The following TBL1XR1 variants were observed in gnomAD, a reference collection of about 807,000 sequenced individuals.
TBL1XR1 encodes the protein F-box-like/WD repeat-containing protein TBL1XR1.
TBL1XR1 carries 5 observed loss-of-function variants against 66.9 expected under a neutral mutation model. The observed-to-expected ratio is 0.07, with a 90% confidence interval of 0.04 to 0.16. The LOEUF (loss-of-function observed/expected upper bound fraction) is 0.16, where lower values mean the gene tolerates loss of function less well. Ranked by LOEUF, TBL1XR1 falls within the 10% of genes least tolerant of loss-of-function variation. TBL1XR1 has a pLI of 1.00. For missense variants in TBL1XR1, 238 were observed against 623.2 expected, an observed-to-expected ratio of 0.38 and a Z score of 6.58; for synonymous variants, 210 against 206.0, an observed-to-expected ratio of 1.02 and a Z score of -0.17.
intron 1 of TBL1XR1, among the ~76,000 whole-genome samples, chr3:177,126,890 A>G (rs1221586408): frequency 1.3e-5 from 2 of 152,066 alleles, no homozygotes; most frequent in Admixed American, 6.6e-5. Context: ...GTGACTGTAC[A>G]TAATGTACGG....
intron 1 of TBL1XR1, among the ~76,000 whole-genome samples, chr3:177,139,780 T>C (rs756703496): frequency 6.6e-6 from 1 of 152,062 alleles, no homozygotes; most frequent in Non-Finnish European, 1.5e-5. Flanking sequence ...CAAGTTAAAC[T>C]TTCCAAGAGC....
chr3:177,081,328 A>G (rs565070173), intron 2 of TBL1XR1, among the ~76,000 whole-genome samples: 32 of 152,366 alleles, frequency 2.1e-4, no homozygotes, highest in African/African-American at 1.7e-4. Context: ...ATGATGGCAA[A>G]TAACAGAAAT....
intron 1 of TBL1XR1, among the ~76,000 whole-genome samples, chr3:177,190,533 G>C (rs7620621): frequency 0.01 from 1,597 of 152,198 alleles, 31 homozygotes; most frequent in African/African-American, 0.037. Flanking sequence ...AGCCAGGCTG[G>C]TCTCAAACTC....
intron 12 of TBL1XR1, among the ~76,000 whole-genome samples, chr3:177,035,921 C>T (rs1714719065): frequency 6.6e-6 from 1 of 152,172 alleles, no homozygotes; most frequent in Non-Finnish European, 1.5e-5. Context: ...TTCACAAAGG[C>T]TTGAGTCAAC....
chr3:177,121,281 G>A (rs1040744249), intron 1 of TBL1XR1, among the ~76,000 whole-genome samples: 5 of 152,120 alleles, frequency 3.3e-5, no homozygotes, highest in Admixed American at 2.6e-4. Flanking sequence ...CAAGAAATGT[G>A]ACAACTAAAT....
intron 1 of TBL1XR1, among the ~76,000 whole-genome samples, chr3:177,101,259 G>C (rs945687034): frequency 6.6e-6 from 1 of 151,806 alleles, no homozygotes. Flanking sequence ...CCATTGGCTT[G>C]TTTCTTAACT....
chr3:177,154,646 C>A (rs1176963200), intron 1 of TBL1XR1, among the ~76,000 whole-genome samples: 2 of 152,158 alleles, frequency 1.3e-5, no homozygotes, highest in African/African-American at 4.8e-5. Flanking sequence ...CTGCCCGCCT[C>A]AGCCTCCCGG....
chr3:177,140,177 T>C (rs2108816280), intron 1 of TBL1XR1, among the ~76,000 whole-genome samples: 1 of 152,286 alleles, frequency 6.6e-6, no homozygotes, highest in Non-Finnish European at 1.5e-5. Flanking sequence ...GGCACACACC[T>C]GTAGTCCCAG....
At chr3:177,064,857 TAA>T in intron 3 of TBL1XR1, 61 bp downstream of exon 3, 2 of 1,148,964 alleles carry the variant, frequency 1.7e-6, no homozygotes, top group Non-Finnish European at 2.5e-6. Flanking sequence ...TTCAAATGCA[TAA>T]AAGATTATTT....
intron 2 of TBL1XR1, among the ~76,000 whole-genome samples, chr3:177,068,610 G>T (rs924481767): frequency 3.3e-5 from 5 of 152,060 alleles, no homozygotes; most frequent in African/African-American, 1.2e-4. Context: ...GCATATACTC[G>T]CTGGACAACT....
At chr3:177,162,998 A>G (rs1732405532) in intron 1 of TBL1XR1, among the ~76,000 whole-genome samples, 1 of 152,178 alleles carries the variant, frequency 6.6e-6, no homozygotes, top group African/African-American at 2.4e-5. Flanking sequence ...CACTACCCTA[A>G]TTATTTACAA....
At chr3:177,098,336 A>T (rs528787524) in intron 2 of TBL1XR1, 130 bp downstream of exon 2, 185 of 276,978 alleles carry the variant, frequency 6.7e-4, no homozygotes, top group Middle Eastern at 3.6e-3. Context: ...TAAAAAATTT[A>T]AAAAAAAAAC....
chr3:177,056,158 C>T (rs1342319896), intron 3 of TBL1XR1, among the ~76,000 whole-genome samples: 1 of 152,186 alleles, frequency 6.6e-6, no homozygotes. Flanking sequence ...GCCATATTTA[C>T]TGCCAAGGTT....
chr3:177,137,799 G>A (rs1173445853), intron 1 of TBL1XR1, among the ~76,000 whole-genome samples: 2 of 151,608 alleles, frequency 1.3e-5, no homozygotes, highest in Admixed American at 6.6e-5. Flanking sequence ...GCAAAACCCC[G>A]ACTCTACAGA....
intron 1 of TBL1XR1, among the ~76,000 whole-genome samples, chr3:177,128,711 A>G (rs1360070902): frequency 6.6e-6 from 1 of 152,128 alleles, no homozygotes; most frequent in Non-Finnish European, 1.5e-5. Context: ...CACAGAGCAA[A>G]TATCTTTTCT....
intron 2 of TBL1XR1, among the ~76,000 whole-genome samples, chr3:177,097,278 T>A (rs1461567134): frequency 6.6e-6 from 1 of 152,248 alleles, no homozygotes; most frequent in South Asian, 2.1e-4. Context: ...TTTATAAATG[T>A]AAGATGTTAT....
intron 1 of TBL1XR1, among the ~76,000 whole-genome samples, chr3:177,112,103 ATATATT>A (rs1167874288): frequency 2.1e-3 from 97 of 46,902 alleles, no homozygotes; most frequent in African/African-American, 0.011. Context: ...ATATATATAT[ATATATT>A]TTTTTTTTTT....
At chr3:177,138,046 G>C (rs1409661970) in intron 1 of TBL1XR1, among the ~76,000 whole-genome samples, 1 of 152,154 alleles carries the variant, frequency 6.6e-6, no homozygotes, top group African/African-American at 2.4e-5. Flanking sequence ...AAAGAATTTT[G>C]ATCAGGTTGA....
At chr3:177,074,816 C>A (rs1159738185) in intron 2 of TBL1XR1, among the ~76,000 whole-genome samples, 1 of 152,146 alleles carries the variant, frequency 6.6e-6, no homozygotes, top group South Asian at 2.1e-4. Context: ...ACAATAAAGA[C>A]ATAAATACAT....
Sources: gnomAD v4.1 joint callset for allele counts (sites outside exome capture counted in the v4.1 genomes callset) on GRCh38, gnomAD v4.1.1 for gene constraint, MANE v1.5 for transcripts, NCBI Gene and HGNC (gene_info 2026-07-23, HGNC 2026-07-21) for gene names.